The following TAX1BP1 variants were observed in gnomAD, a reference collection of about 807,000 sequenced individuals.
TAX1BP1 encodes the protein tax1-binding protein 1.
In TAX1BP1, 62 loss-of-function variants were observed where a neutral mutation model predicts 97.7. The ratio of observed to expected loss-of-function variants is 0.63; its 90% CI spans 0.52 to 0.78. The LOEUF (loss-of-function observed/expected upper bound fraction) is 0.78. Among genes scored for constraint, TAX1BP1 ranks in the 30% least tolerant of loss-of-function variants. The probability of loss-of-function intolerance (pLI) is 0.00; values close to 1 mark genes in which losing one functional copy is unlikely to be tolerated. For missense variants in TAX1BP1, 867 were observed against 916.1 expected, an observed-to-expected ratio of 0.95 and a Z score of 0.69; for synonymous variants, 340 against 304.2, an observed-to-expected ratio of 1.12 and a Z score of -1.23.
At chr7:27,802,889 A>T (rs1472603753) in intron 13 of TAX1BP1, among the ~76,000 whole-genome samples, 1 of 152,222 alleles carries the variant, frequency 6.6e-6, no homozygotes, top group Admixed American at 6.5e-5. Context: ...TGATGAAAAT[A>T]TTCATGCAAT....
intron 13 of TAX1BP1, among the ~76,000 whole-genome samples, chr7:27,815,402 TC>T (rs1371938624): frequency 6.6e-6 from 1 of 152,196 alleles, no homozygotes; most frequent in African/African-American, 2.4e-5. Flanking sequence ...TGTTTCTTTT[TC>T]CCCTTTATTA....
intron 13 of TAX1BP1, among the ~76,000 whole-genome samples, chr7:27,815,471 T>G (rs1369839307): frequency 3.3e-5 from 5 of 152,238 alleles, no homozygotes; most frequent in Non-Finnish European, 4.4e-5. Context: ...TTTTTGGATG[T>G]TAAAATGACT....
chr7:27,760,667 T>C (rs1788392571), intron 3 of TAX1BP1, among the ~76,000 whole-genome samples: 1 of 152,210 alleles, frequency 6.6e-6, no homozygotes, highest in Non-Finnish European at 1.5e-5. Context: ...GTGTTGGAAT[T>C]ACAGGCATGA....
At chr7:27,815,459 G>A (rs1422747557) in intron 13 of TAX1BP1, among the ~76,000 whole-genome samples, 3 of 152,060 alleles carry the variant, frequency 2.0e-5, no homozygotes, top group Admixed American at 6.5e-5. Flanking sequence ...AACTGCATTT[G>A]GTTTTTGGAT....
intron 13 of TAX1BP1, among the ~76,000 whole-genome samples, chr7:27,809,450 A>G (rs1178771469): frequency 6.6e-6 from 1 of 152,224 alleles, no homozygotes; most frequent in Admixed American, 6.5e-5. Context: ...ATGTAAGTTC[A>G]TGGACCTCCT....
intron 13 of TAX1BP1, 139 bp from the exon 14 acceptor site, chr7:27,816,210 T>C (rs922358259): frequency 7.6e-6 from 5 of 658,664 alleles, no homozygotes; most frequent in African/African-American, 1.9e-5. Flanking sequence ...CCAGCTTTTC[T>C]AACTGTGTTT....
chr7:27,765,171 A>C lies in TAX1BP1; in HGVS notation c.266-663A>C, dbSNP rs528428448. Among the ~76,000 whole-genome samples the C allele has an allele frequency of 5.6e-4, 83 of 147,902 alleles. 1 individual carries two copies. In the South Asian group the frequency reaches 0.015, roughly 27 times the overall value. On this transcript the variant is annotated intron_variant, in intron 3 of 16. Transcript: ENST00000396319. The stretch of plus-strand genomic sequence containing the variant: ...GCTGGGACTGCAGGTACATGCCATC[A>C]CACCTGGCAAATTTTTGTATTTTTT...
chr7:27,789,415 CT>C (rs1039594037), intron 8 of TAX1BP1, among the ~76,000 whole-genome samples: 4 of 151,506 alleles, frequency 2.6e-5, no homozygotes, highest in Non-Finnish European at 5.9e-5. Flanking sequence ...TTTTTAAACC[CT>C]TTTCTTACCT....
At chr7:27,776,701 A>G (rs1641189004) in intron 5 of TAX1BP1, among the ~76,000 whole-genome samples, 1 of 151,192 alleles carries the variant, frequency 6.6e-6, no homozygotes, top group South Asian at 2.1e-4. Context: ...TGAAAATTTT[A>G]GGCCATTATT....
chr7:27,767,681 C>A (rs1788693426), intron 4 of TAX1BP1, among the ~76,000 whole-genome samples: 1 of 151,628 alleles, frequency 6.6e-6, no homozygotes, highest in Non-Finnish European at 1.5e-5. Context: ...ATTAGACCAC[C>A]CTCATTTCAG....
At chr7:27,747,044 C>G (rs1212173522) in intron 1 of TAX1BP1, among the ~76,000 whole-genome samples, 1 of 152,178 alleles carries the variant, frequency 6.6e-6, no homozygotes, top group Admixed American at 6.5e-5. Context: ...TAGAGCCTTA[C>G]TGCTGTGCTT....
At chr7:27,828,468 G>A (rs1425674471) in intron 16 of TAX1BP1, among the ~76,000 whole-genome samples, 160 bp from the exon 17 acceptor site, 8 of 152,168 alleles carry the variant, frequency 5.3e-5, no homozygotes, top group Admixed American at 4.6e-4. Context: ...TCTACAGCAA[G>A]CATTTAGAAG....
intron 13 of TAX1BP1, among the ~76,000 whole-genome samples, chr7:27,808,795 T>C (rs1330510957): frequency 1.3e-5 from 2 of 152,210 alleles, no homozygotes; most frequent in African/African-American, 2.4e-5. Flanking sequence ...AAAATCTCTT[T>C]CTTAAATTGT....
chr7:27,813,167 T>TTC (rs1554322356), intron 13 of TAX1BP1, among the ~76,000 whole-genome samples: 7 of 146,826 alleles, frequency 4.8e-5, no homozygotes, highest in African/African-American at 7.6e-5. Flanking sequence ...TTTTTTTTTT[T>TTC]CTTAAAGACA....
chr7:27,762,492 TA>T (rs11336237), intron 3 of TAX1BP1, among the ~76,000 whole-genome samples: 140,349 of 152,096 alleles, frequency 0.92, 64,957 homozygotes, highest in East Asian at 1. Flanking sequence ...GACCAGGAGT[TA>T]AGAGACCAGT....
At chr7:27,810,032 T>TG (rs1293130820) in intron 13 of TAX1BP1, among the ~76,000 whole-genome samples, 3 of 151,872 alleles carry the variant, frequency 2.0e-5, no homozygotes, top group Admixed American at 1.3e-4. Context: ...TGCAGCCTCC[T>TG]GGGTAGCTGG....
intron 12 of TAX1BP1, among the ~76,000 whole-genome samples, chr7:27,798,589 G>A (rs1386264062): frequency 2.0e-5 from 3 of 151,272 alleles, no homozygotes; most frequent in Non-Finnish European, 2.9e-5. Context: ...GCTTGAACCC[G>A]GGAGGTGGAG....
chr7:27,765,822 A>C lies in TAX1BP1; in HGVS notation c.266-12A>C, dbSNP rs1316174082. ...GGAAGTTTAATAATTTTGTTTGTTA[A>C]CTTCCTCTTAGGATATTACCTTCCA... On this transcript the variant is annotated splice_polypyrimidine_tract_variant and intron_variant, in intron 3 of 16. Coordinates refer to ENST00000396319, the MANE Select transcript of TAX1BP1 (RefSeq NM_006024.7). 3.8e-6 allele frequency: 6 copies of C among 1,594,320 alleles called. No homozygotes were observed. Among genetic ancestry groups the C allele is most frequent in the Non-Finnish European group, 4.3e-6 (5 of 1,168,334 alleles).
At chr7:27,806,176 C>G (rs1243345506) in intron 13 of TAX1BP1, among the ~76,000 whole-genome samples, 2 of 151,248 alleles carry the variant, frequency 1.3e-5, no homozygotes, top group African/African-American at 2.4e-5. Flanking sequence ...ACCTTTGCCT[C>G]TCAGGTTCAA....
Sources: gnomAD v4.1 joint callset for allele counts (sites outside exome capture counted in the v4.1 genomes callset) on GRCh38, gnomAD v4.1.1 for gene constraint, MANE v1.5 for transcripts, NCBI Gene and HGNC (gene_info 2026-07-23, HGNC 2026-07-21) for gene names.